USP25: variants seen among roughly 807,000 people sequenced by gnomAD.
The protein encoded by USP25 is ubiquitin carboxyl-terminal hydrolase 25.
In USP25, 85 loss-of-function variants were observed where a neutral mutation model predicts 158.5. The observed-to-expected ratio is 0.54, with a 90% CI of 0.45 to 0.64. USP25 has a LOEUF of 0.64. USP25 is among the 30% of genes least tolerant of loss of function. The pLI is 0.00. For missense variants in USP25, 1,242 were observed against 1,327.3 expected (o/e 0.94, Z 1.00); for synonymous variants, 464 against 460.4 (o/e 1.01, Z -0.10).
intron 9 of USP25, among the ~76,000 whole-genome samples, chr21:15,813,837 A>C (rs2036796656): frequency 6.6e-6 from 1 of 152,166 alleles, no homozygotes; most frequent in African/African-American, 2.4e-5. Flanking sequence ...AACTTGTCTA[A>C]AAGGGATCTT....
chr21:15,833,261 A>T (rs2037900856), intron 16 of USP25, 87 bp from the exon 17 acceptor site: 2 of 1,255,310 alleles, frequency 1.6e-6, no homozygotes, highest in East Asian at 4.7e-5. Flanking sequence ...CATAGTTTAA[A>T]TTCTATTTGA....
chr21:15,869,025 T>G (rs185000210), intron 22 of USP25, among the ~76,000 whole-genome samples: 43 of 152,250 alleles, frequency 2.8e-4, no homozygotes, highest in Middle Eastern at 3.4e-3. Context: ...CACAGGGAGT[T>G]GTTTGAGGCC....
intron 18 of USP25, among the ~76,000 whole-genome samples, chr21:15,846,275 G>A (rs937571365): frequency 6.5e-4 from 94 of 145,178 alleles, no homozygotes; most frequent in African/African-American, 2.3e-3. Context: ...CAATTCTCAT[G>A]CCTCAGCTTC....
chr21:15,835,705 G>T (rs758935478), intron 17 of USP25, among the ~76,000 whole-genome samples: 1 of 152,142 alleles, frequency 6.6e-6, no homozygotes, highest in Non-Finnish European at 1.5e-5. Context: ...ACCTTTCAGC[G>T]TGGGTTATTT....
chr21:15,756,333 C>T (rs1240051766), intron 1 of USP25, among the ~76,000 whole-genome samples: 1 of 152,136 alleles, frequency 6.6e-6, no homozygotes, highest in Non-Finnish European at 1.5e-5. Flanking sequence ...TGGAGAGAGA[C>T]CTTGCTTCTG....
chr21:15,860,027 C>T (rs528153891), intron 20 of USP25, among the ~76,000 whole-genome samples: 49 of 139,656 alleles, frequency 3.5e-4, no homozygotes, highest in Admixed American at 2.2e-3. Context: ...CTCGCTCTGT[C>T]GCCTAGGCTA....
Position 15,878,387 on chromosome 21 carries a change from A to G in USP25, c.3290A>G (p.Lys1097Arg), listed in dbSNP as rs1412088607. The G allele has an allele frequency of 3.1e-6, 5 of 1,613,978 alleles. No individual in the cohort carries two copies. In the Admixed American group the frequency reaches 5.0e-5, roughly 16 times the overall value. ...MEIKSFHEPP[K>R]LPSYSTHELC... ...ATTAAAAGTTTCCATGAGCCACCGA[A>G]GTTACCTTCATATTCCACGCATGAA... Residue 1097 changes from lysine (K) to arginine (R), a missense_variant, in exon 26 of 26, where the codon AAG (lysine) becomes AGG (arginine). Lys to Arg is a conservative substitution (Grantham distance 26, BLOSUM62 2). This residue lies in a region of USP25 where 608 missense variants were observed against 605.2 expected (regional missense o/e 1.00). Transcript: ENST00000400183.
rs543769002 is a variant in USP25 at position 15,879,279 on chromosome 21, C to T, written c.*804C>T. 6.6e-6 allele frequency: 1 copy of T among 152,344 alleles called. No individual in the cohort carries two copies. The highest frequency in any genetic ancestry group is 1.9e-4 in the East Asian group (1 of 5,186). The allele number at this position is 152,344 out of a possible 1,614,324, so 9.4% of individuals were successfully genotyped here. A position where few individuals can be genotyped will look rare whatever the true frequency, so the allele number is the denominator to read the frequency against. On this transcript the variant is annotated 3_prime_UTR_variant, in exon 26 of 26. Transcript: ENST00000400183. ...ATTATTTCAAGAGAATCCCAAAGTA[C>T]TTGAATAAGGGCTATTGTAAAATTT...
chr21:15,733,356 G>A (rs1023653433), intron 1 of USP25, among the ~76,000 whole-genome samples: 6 of 152,146 alleles, frequency 3.9e-5, no homozygotes, highest in African/African-American at 1.4e-4. Context: ...CAGCAAATAT[G>A]TGATGAATGA....
intron 5 of USP25, among the ~76,000 whole-genome samples, chr21:15,798,213 T>A (rs937471351): frequency 6.6e-6 from 1 of 151,298 alleles, no homozygotes; most frequent in Non-Finnish European, 1.5e-5. Context: ...CAACCTTTCA[T>A]GATATTGCTA....
intron 1 of USP25, among the ~76,000 whole-genome samples, chr21:15,742,973 G>A (rs763217010): frequency 4.5e-4 from 68 of 152,332 alleles, no homozygotes; most frequent in Non-Finnish European, 3.2e-4. Flanking sequence ...CCAGAAACTC[G>A]GAGACGGCAG....
chr21:15,748,221 T>C (rs1421900705), intron 1 of USP25, among the ~76,000 whole-genome samples: 1 of 152,196 alleles, frequency 6.6e-6, no homozygotes, highest in South Asian at 2.1e-4. Context: ...TGTATACTTT[T>C]TAAATTCTTC....
intron 11 of USP25, among the ~76,000 whole-genome samples, chr21:15,824,521 T>TC (rs2037395436): frequency 6.7e-6 from 1 of 148,290 alleles, no homozygotes; most frequent in African/African-American, 2.6e-5. Flanking sequence ...TGTCTTTCTT[T>TC]CTGTCTCTCT....
chr21:15,801,114 A>G (rs1378092563), intron 6 of USP25, among the ~76,000 whole-genome samples: 1 of 151,494 alleles, frequency 6.6e-6, no homozygotes, highest in Non-Finnish European at 1.5e-5. Context: ...TATATGTATA[A>G]TTTGTGTGAA....
chr21:15,853,709 T>C (rs2823507), intron 20 of USP25, among the ~76,000 whole-genome samples: 46,670 of 152,072 alleles, frequency 0.31, 11,278 homozygotes, highest in African/African-American at 0.68. Flanking sequence ...TAAATGAATT[T>C]GGTGTTTTTC....
chr21:15,763,238 C>T (rs1255399216), intron 2 of USP25, among the ~76,000 whole-genome samples: 2 of 151,990 alleles, frequency 1.3e-5, no homozygotes, highest in African/African-American at 4.8e-5. Flanking sequence ...GGATGTGAAT[C>T]CTAATTCTAA....
chr21:15,794,384 A>ACATC (rs933393655), intron 5 of USP25, among the ~76,000 whole-genome samples: 118 of 151,838 alleles, frequency 7.8e-4, no homozygotes, highest in African/African-American at 2.8e-3. Context: ...TTTAGGTTAG[A>ACATC]CATCAACCCC....
chr21:15,857,412 A>G (rs1272259891), intron 20 of USP25, among the ~76,000 whole-genome samples: 1 of 152,160 alleles, frequency 6.6e-6, no homozygotes, highest in African/African-American at 2.4e-5. Flanking sequence ...AATTGCCTAC[A>G]TGTAGTTATA....
intron 4 of USP25, among the ~76,000 whole-genome samples, chr21:15,778,943 A>G (rs546300516): frequency 6.6e-6 from 1 of 152,240 alleles, no homozygotes. Flanking sequence ...GAATGTACCA[A>G]ATTTCTCAGG....
Sources: allele counts gnomAD v4.1 joint callset (sites outside exome capture counted in the v4.1 genomes callset), GRCh38; gene constraint gnomAD v4.1.1; regional missense constraint gnomAD v4.1.1; transcripts MANE v1.5; gene names NCBI Gene and HGNC (gene_info 2026-07-23, HGNC 2026-07-21).